SORCS1: variants seen among roughly 807,000 people sequenced by gnomAD.
SORCS1 encodes sortilin related VPS10 domain containing receptor 1.
SORCS1 carries 60 observed loss-of-function variants against 146.1 expected under a neutral mutation model. The ratio of observed to expected loss-of-function variants is 0.41; its 90% CI spans 0.33 to 0.51. SORCS1 has a LOEUF of 0.51. Among genes scored for constraint, SORCS1 ranks in the 20% least tolerant of loss-of-function variants. SORCS1 has a pLI of 0.21. For synonymous variants in SORCS1, 637 were observed against 584.0 expected, an observed-to-expected ratio of 1.09 and a Z score of -1.31; for missense variants, 1,352 against 1,487.6, an observed-to-expected ratio of 0.91 and a Z score of 1.50.
intron 16 of SORCS1, among the ~76,000 whole-genome samples, chr10:106,669,644 G>A (rs1851436601): frequency 6.6e-6 from 1 of 152,216 alleles, no homozygotes; most frequent in African/African-American, 2.4e-5. Flanking sequence ...TAATAATATT[G>A]CACTGACTAA....
chr10:106,942,673 C>G (rs879854910), intron 2 of SORCS1, among the ~76,000 whole-genome samples: 15 of 152,142 alleles, frequency 9.9e-5, no homozygotes, highest in African/African-American at 3.6e-4. Context: ...ATCCTGGCAT[C>G]CTTGCCTCCT....
At chr10:107,005,887 T>A (rs1402953479) in intron 1 of SORCS1, among the ~76,000 whole-genome samples, 1 of 152,228 alleles carries the variant, frequency 6.6e-6, no homozygotes, top group African/African-American at 2.4e-5. Context: ...CTATAATTAT[T>A]TGGAATCAAT....
rs1233201430 is a variant in SORCS1, at chr10:106,818,259, TCAC to T, written c.726+11312_726+11314del. Among the ~76,000 whole-genome samples the T allele has an allele frequency of 5.9e-5, 9 of 152,312 alleles. No individual in the cohort carries two copies. In the South Asian group the frequency reaches 1.0e-3, roughly 18 times the overall value. ...TTGTATTAATTCAATATTAATAATG[TCAC>T]CACTGCCCATTTACTGATTTTACAA... On this transcript the variant is annotated intron_variant, in intron 3 of 25. Coordinates refer to ENST00000263054, the MANE Select transcript of SORCS1 (RefSeq NM_052918.5).
At chr10:107,081,071 A>T (rs1334502474) in intron 1 of SORCS1, among the ~76,000 whole-genome samples, 1 of 152,234 alleles carries the variant, frequency 6.6e-6, no homozygotes, top group East Asian at 1.9e-4. Flanking sequence ...CAACTTGGTC[A>T]TAAGCTAGTC....
chr10:107,003,372 A>G (rs1477585490), intron 1 of SORCS1, among the ~76,000 whole-genome samples: 1 of 151,974 alleles, frequency 6.6e-6, no homozygotes, highest in Non-Finnish European at 1.5e-5. Flanking sequence ...TTGTATATTT[A>G]TGTATAGCCA....
At chr10:106,927,374 G>T (rs930854585) in intron 2 of SORCS1, among the ~76,000 whole-genome samples, 2 of 152,058 alleles carry the variant, frequency 1.3e-5, no homozygotes, top group Non-Finnish European at 2.9e-5. Context: ...CCTTCCTCCC[G>T]GTGGGTTCGT....
Position 106,706,557 on chromosome 10 carries a change from A to G in SORCS1, c.1221T>C (p.Tyr407=). The G allele has an allele frequency of 6.2e-7, 1 of 1,614,160 alleles. No individual in the cohort carries two copies. The highest frequency in any genetic ancestry group is 2.2e-5 in the East Asian group (1 of 44,876). The part of the protein sequence containing the change: ...NAFAQMKLPK[Y]ALPKDMHVIS... ...ATTTAGGCCATACCTTGGGCAAAGCATATTTCGGAAGCTTCATTTGGGCAA... is the reference window on the plus strand; with the variant it reads ...ATTTAGGCCATACCTTGGGCAAAGCGTATTTCGGAAGCTTCATTTGGGCAA... The change falls in exon 8 of 26, where the codon TAT becomes TAC. Residue 407 remains tyrosine, a synonymous_variant. Transcript: ENST00000263054.
chr10:106,602,607 G>A (rs992483978), intron 23 of SORCS1, among the ~76,000 whole-genome samples: 1 of 150,624 alleles, frequency 6.6e-6, no homozygotes, highest in African/African-American at 2.4e-5. Flanking sequence ...CTGGATAATG[G>A]TTCATGAAGA....
chr10:106,806,293 G>C (rs1186903072), intron 3 of SORCS1, among the ~76,000 whole-genome samples: 1 of 150,772 alleles, frequency 6.6e-6, no homozygotes, highest in Non-Finnish European at 1.5e-5. Flanking sequence ...GCTTGAACCC[G>C]GGAGGCAGAG....
At chr10:106,600,651 T>C in intron 23 of SORCS1, 1 of 985,446 alleles carries the variant, frequency 1.0e-6, no homozygotes, top group African/African-American at 1.7e-5. Flanking sequence ...GTTGCTTGCT[T>C]CTTACTATCT....
At chr10:106,833,051 C>T (rs1352030568) in intron 2 of SORCS1, among the ~76,000 whole-genome samples, 1 of 151,250 alleles carries the variant, frequency 6.6e-6, no homozygotes, top group African/African-American at 2.4e-5. Context: ...AACTCTAATC[C>T]CAATGTGACA....
intron 3 of SORCS1, among the ~76,000 whole-genome samples, chr10:106,783,241 T>C (rs947617563): frequency 1.3e-5 from 2 of 152,232 alleles, no homozygotes; most frequent in African/African-American, 2.4e-5. Flanking sequence ...TTCCATCAGA[T>C]TGTTTATGAA....
intron 16 of SORCS1, among the ~76,000 whole-genome samples, chr10:106,668,461 C>T (rs1851343024): frequency 6.6e-6 from 1 of 152,242 alleles, no homozygotes; most frequent in Admixed American, 6.5e-5. Flanking sequence ...TCTCAGCCTC[C>T]TCTCATTCAT....
At chr10:106,928,702 A>G (rs944891337) in intron 2 of SORCS1, among the ~76,000 whole-genome samples, 3 of 152,218 alleles carry the variant, frequency 2.0e-5, no homozygotes, top group Non-Finnish European at 2.9e-5. Flanking sequence ...GCAACCTCAC[A>G]TCTCACATAG....
At chr10:106,959,664 G>A (rs1478711023) in intron 1 of SORCS1, among the ~76,000 whole-genome samples, 1 of 152,182 alleles carries the variant, frequency 6.6e-6, no homozygotes, top group Non-Finnish European at 1.5e-5. Flanking sequence ...GGGGCAAAAT[G>A]AAGCTGTTTT....
intron 24 of SORCS1, among the ~76,000 whole-genome samples, chr10:106,586,032 T>C (rs138408245): frequency 4.8e-4 from 73 of 152,336 alleles, no homozygotes; most frequent in African/African-American, 1.7e-3. Context: ...TGCTTACTAT[T>C]AAGCCACTGA....
rs1852285544 is a variant in SORCS1 at position 106,679,558 on chromosome 10, T to A, written c.1663+74A>T. The A allele has an allele frequency of 2.3e-6, 3 of 1,302,566 alleles. No homozygotes were observed. In the Admixed American group the frequency reaches 6.7e-5, roughly 29 times the overall value. The allele number at this position is 1,302,566 out of a possible 1,614,324, so 80.7% of individuals were successfully genotyped here. ...AGATATCTAGCTTCTTAAAATAAAC[T>A]TCCAAGTACAGATATCTAGCTTCTT... On this transcript the variant is annotated intron_variant, in intron 11 of 25. Transcript: ENST00000263054.
At chr10:106,990,802 A>G (rs936456702) in intron 1 of SORCS1, among the ~76,000 whole-genome samples, 20 of 152,372 alleles carry the variant, frequency 1.3e-4, no homozygotes, top group African/African-American at 4.6e-4. Context: ...TGTTAAAATT[A>G]AACAGACAAA....
intron 2 of SORCS1, among the ~76,000 whole-genome samples, chr10:106,916,404 G>A (rs1952426666): frequency 6.7e-6 from 1 of 149,830 alleles, no homozygotes; most frequent in Non-Finnish European, 1.5e-5. Flanking sequence ...GTTTCTAATT[G>A]TGTATGTGTG....
Sources: gnomAD v4.1 joint callset for allele counts (sites outside exome capture counted in the v4.1 genomes callset) on GRCh38, gnomAD v4.1.1 for gene constraint, MANE v1.5 for transcripts, NCBI Gene and HGNC (gene_info 2026-07-23, HGNC 2026-07-21) for gene names.